Variants in MYO7B observed in about 807,000 individuals in gnomAD.
The protein encoded by MYO7B is unconventional myosin-VIIb.
MYO7B carries 212 observed loss-of-function variants against 259.7 expected under a neutral mutation model. The ratio of observed to expected loss-of-function variants is 0.82; its 90% CI spans 0.73 to 0.91. The LOEUF (loss-of-function observed/expected upper bound fraction) is 0.91, where lower values mean the gene tolerates loss of function less well. MYO7B is among the 40% of genes least tolerant of loss of function. The pLI is 0.00. For missense variants in MYO7B, 2,732 were observed against 2,813.5 expected, an observed-to-expected ratio of 0.97 and a Z score of 0.66; for synonymous variants, 1,197 against 1,166.4, an observed-to-expected ratio of 1.03 and a Z score of -0.54.
In MYO7B at chr2:127,607,358, G is replaced by A. The variant is rs1338089399; in HGVS notation, c.2577G>A (p.Val859=). Residue 859 remains valine, a synonymous_variant, in exon 21 of 48, where the codon GTG becomes GTA. Transcript: ENST00000409816. The surrounding 1 kb of genome is among the most constrained non-coding windows in gnomAD (Gnocchi z 4.4). The part of the protein sequence containing the change: ...RQQVQAKRRA[V]VVIQAHARGM... ...AAGTCCAGGCCAAGAGGAGGGCAGT[G>A]GTGGTCATTCAGGCCCATGCCAGGG... 1.9e-6 allele frequency: 3 copies of A among 1,551,516 alleles called. No individual in the cohort carries two copies. Among genetic ancestry groups the A allele is most frequent in the Non-Finnish European group, 2.6e-6 (3 of 1,146,870 alleles).
intron 38 of MYO7B, 50 bp downstream of exon 38, chr2:127,631,803 C>T (rs745401648): frequency 1.3e-5 from 20 of 1,589,546 alleles, no homozygotes; most frequent in Admixed American, 6.8e-5. Context: ...GTCCTCATCC[C>T]GGCCCCTGAG....
At chr2:127,540,080 T>C (rs1378617602) in intron 1 of MYO7B, among the ~76,000 whole-genome samples, 1 of 152,202 alleles carries the variant, frequency 6.6e-6, no homozygotes, top group East Asian at 1.9e-4. Flanking sequence ...CACTCATGAG[T>C]TGATGGACAC....
chr2:127,571,471 TTTTG>T (rs1437275961), intron 6 of MYO7B, among the ~76,000 whole-genome samples: 23 of 145,306 alleles, frequency 1.6e-4, no homozygotes, highest in Admixed American at 2.8e-4. Flanking sequence ...CTTGTTTGTT[TTTTG>T]TTTGTTTGTT....
At chr2:127,625,333 C>T in intron 30 of MYO7B, 35 bp from the exon 31 acceptor site, 1 of 1,468,188 alleles carries the variant, frequency 6.8e-7, no homozygotes, top group Non-Finnish European at 9.0e-7. Context: ...TCTCACTTGT[C>T]TCACTCGCCC....
intron 1 of MYO7B, among the ~76,000 whole-genome samples, chr2:127,557,628 A>G (rs2104838671): frequency 6.6e-6 from 1 of 152,258 alleles, no homozygotes; most frequent in Middle Eastern, 3.4e-3. Flanking sequence ...CTTTTGTGGT[A>G]TTGGTATAAA....
intron 18 of MYO7B, among the ~76,000 whole-genome samples, chr2:127,596,196 A>G (rs1377493991): frequency 6.6e-6 from 1 of 152,228 alleles, no homozygotes; most frequent in African/African-American, 2.4e-5. Flanking sequence ...CCCCCTCTTG[A>G]ATTCTTCAGA....
intron 43 of MYO7B, 152 bp from the exon 44 acceptor site, chr2:127,635,570 T>C: frequency 2.4e-6 from 2 of 833,852 alleles, no homozygotes; most frequent in Non-Finnish European, 3.7e-6. Context: ...TGACTCAGGG[T>C]CATTCCCCTG....
At chr2:127,617,526 C>T (rs1308017743) in intron 26 of MYO7B, among the ~76,000 whole-genome samples, 1 of 106,902 alleles carries the variant, frequency 9.4e-6, no homozygotes, top group African/African-American at 3.9e-5. Flanking sequence ...GACGGAGTCT[C>T]GCTCTGTCGC....
chr2:127,609,649 C>CCA lies in MYO7B; in HGVS notation c.2967_2968dup (p.Ile990ThrfsTer30), dbSNP rs1186867936. 6 of 1,614,004 alleles carry CCA rather than the reference C, an allele frequency of 3.7e-6. No individual in the cohort carries two copies. In the Admixed American group the frequency reaches 1.0e-4, roughly 27 times the overall value. On this transcript the variant is annotated frameshift_variant, in exon 23 of 48. Transcript: ENST00000409816. LOFTEE classifies it high-confidence loss of function. This position sits in a 1 kb window ranked among gnomAD's most constrained non-coding sequence, Gnocchi z 6.9. ...TGACTTACTTCCAGAAATCAGCCAG[C>CCA]CACACACACATCCGGCGGCCCCTCC...
chr2:127,566,664 G>A lies in MYO7B; in HGVS notation c.307G>A (p.Val103Met). 1 of 1,596,726 alleles carries A rather than the reference G, an allele frequency of 6.3e-7. No homozygotes were observed. ...KIYTYTGSILVAVNPFQVLPL... is the reference protein window; with the variant it reads ...KIYTYTGSILMAVNPFQVLPL... ...CCAGACATACACAGGCTCCATCCTGGTGGCCGTCAACCCGTTCCAGGTGCT... is the reference window on the plus strand; with the variant it reads ...CCAGACATACACAGGCTCCATCCTGATGGCCGTCAACCCGTTCCAGGTGCT... The change falls in exon 5 of 48, where the codon GTG (valine) becomes ATG (methionine). Residue 103 changes from valine to methionine, a missense_variant. Transcript: ENST00000409816.
intron 15 of MYO7B, among the ~76,000 whole-genome samples, chr2:127,589,720 G>A (rs1187757454): frequency 3.7e-5 from 5 of 136,030 alleles, no homozygotes; most frequent in Non-Finnish European, 7.9e-5. Flanking sequence ...ATGGATGGGC[G>A]GGTGGCTATG....
chr2:127,597,051 AAGTAGAAGAC>A lies in MYO7B; in HGVS notation c.2339+498_2339+507del, dbSNP rs1679798018. The stretch of plus-strand genomic sequence containing the variant: ...AAGGGCTGGAAACCCAGGCATGAGA[AAGTAGAAGAC>A]AGCCAGCCCCGGGAATAGAGAATGA... On this transcript the variant is annotated intron_variant, in intron 19 of 47. Transcript: ENST00000409816. The surrounding 1 kb of genome is among the most constrained non-coding windows in gnomAD (Gnocchi z 4.8). Among the ~76,000 whole-genome samples the A allele has an allele frequency of 6.6e-6, 1 of 152,210 alleles. No homozygotes were observed. The highest frequency in any genetic ancestry group is 2.4e-5 in the African/African-American group (1 of 41,452).
Position 127,624,278 on chromosome 2 carries a change from A to G in MYO7B, c.4005A>G (p.Gln1335=). The G allele has an allele frequency of 1.3e-6, 2 of 1,588,866 alleles. No individual in the cohort carries two copies. Among genetic ancestry groups the G allele is most frequent in the Non-Finnish European group, 1.7e-6 (2 of 1,168,280 alleles). The change falls in exon 30 of 48, where the codon CAA becomes CAG. Residue 1335 remains glutamine (Q), a synonymous_variant. Coordinates refer to ENST00000409816, the MANE Select transcript of MYO7B (RefSeq NM_001393586.1). ...DPVSTELIYR[Q]VLRGVWSGEY... The stretch of plus-strand genomic sequence containing the variant: ...TCAGCACCGAGCTTATTTACCGCCA[A>G]GTCCTCCGAGGAGTCTGGTCTGGCG...
chr2:127,544,623 C>G (rs1432649541), intron 1 of MYO7B, among the ~76,000 whole-genome samples: 1 of 149,894 alleles, frequency 6.7e-6, no homozygotes, highest in African/African-American at 2.5e-5. Flanking sequence ...CTCTTTCGCC[C>G]AGGCTGGAGT....
At chr2:127,624,884 T>C (rs975724532) in intron 30 of MYO7B, among the ~76,000 whole-genome samples, 5 of 152,156 alleles carry the variant, frequency 3.3e-5, no homozygotes, top group Admixed American at 6.5e-5. Context: ...CCGGGACCCA[T>C]TGGAGGCGGC....
At chr2:127,592,408 A>C (rs1679590446) in intron 16 of MYO7B, among the ~76,000 whole-genome samples, 1 of 152,144 alleles carries the variant, frequency 6.6e-6, no homozygotes, top group African/African-American at 2.4e-5. Flanking sequence ...AAAATAAATA[A>C]ATAAAATTTA....
intron 3 of MYO7B, 46 bp from the exon 4 acceptor site, chr2:127,565,187 G>A: frequency 5.7e-6 from 9 of 1,584,924 alleles, no homozygotes; most frequent in Non-Finnish European, 7.8e-6. Context: ...GGCTGGCCAT[G>A]GGGATGGAGG....
chr2:127,573,895 A>C, intron 6 of MYO7B, 25 bp from the exon 7 acceptor site: 2 of 1,613,860 alleles, frequency 1.2e-6, no homozygotes, highest in Non-Finnish European at 1.7e-6. Flanking sequence ...TGCTCCCATC[A>C]TGGGCATCGC....
Position 127,611,902 on chromosome 2 carries a change from C to T in MYO7B, c.3193-348C>T, listed in dbSNP as rs1012058828. On this transcript the variant is annotated intron_variant, in intron 24 of 47. Coordinates refer to ENST00000409816, the MANE Select transcript of MYO7B (RefSeq NM_001393586.1). This position sits in a 1 kb window ranked among gnomAD's most constrained non-coding sequence, Gnocchi z 5.4. ...TGGGGCTGTCCTAAGCACCTGGGCT[C>T]AGACCCAGTCCCACCTCCCAGGGGT... Among the ~76,000 whole-genome samples, 18 of 152,162 alleles carry T rather than the reference C, an allele frequency of 1.2e-4. No homozygotes were observed. The highest frequency in any genetic ancestry group is 5.9e-5 in the Non-Finnish European group (4 of 68,032).
Sources: allele counts gnomAD v4.1 joint callset (sites outside exome capture counted in the v4.1 genomes callset), GRCh38; gene constraint gnomAD v4.1.1; non-coding constraint Gnocchi (gnomAD v3.1); transcripts MANE v1.5; gene names NCBI Gene and HGNC (gene_info 2026-07-23, HGNC 2026-07-21).